The following NUP107 variants were observed in gnomAD, a reference collection of about 807,000 sequenced individuals.
NUP107 encodes nucleoporin 107.
A neutral mutation model predicts 141.0 loss-of-function variants in NUP107; 101 were observed. The observed-to-expected ratio is 0.72, with a 90% CI of 0.61 to 0.84. The LOEUF (loss-of-function observed/expected upper bound fraction) is 0.84. NUP107 is among the 40% of genes least tolerant of loss of function. The probability of loss-of-function intolerance (pLI) is 0.00; values close to 1 mark genes in which losing one functional copy is unlikely to be tolerated. For missense variants in NUP107, 941 were observed against 1,102.7 expected, an observed-to-expected ratio of 0.85 and a Z score of 2.08; for synonymous variants, 319 against 363.9, an observed-to-expected ratio of 0.88 and a Z score of 1.41.
chr12:68,724,223 C>T (rs1174128874), intron 17 of NUP107, among the ~76,000 whole-genome samples: 1 of 151,278 alleles, frequency 6.6e-6, no homozygotes, highest in Non-Finnish European at 1.5e-5. Flanking sequence ...TCCATTTAAA[C>T]GAGTGACCAA....
At chr12:68,730,235 T>TTTTTTTTTTGGG (rs71091551) in intron 20 of NUP107, among the ~76,000 whole-genome samples, 1 of 147,396 alleles carries the variant, frequency 6.8e-6, no homozygotes, top group Non-Finnish European at 1.5e-5. Context: ...TTTTTTTTTT[T>TTTTTTTTTTGGG]GAGAGAGTCT....
At chr12:68,732,997 T>A (rs1228039943) in intron 23 of NUP107, among the ~76,000 whole-genome samples, 4 of 152,218 alleles carry the variant, frequency 2.6e-5, no homozygotes, top group East Asian at 1.9e-4. Flanking sequence ...TATTCTTTTT[T>A]AAAACGTTTT....
Position 68,689,625 on chromosome 12 carries a change from AT to A in NUP107, c.187+12del. On this transcript the variant is annotated splice_region_variant and intron_variant, in intron 3 of 27. Transcript: ENST00000229179. ...TAGCTCATTTCGACAGCCTTGTAAG[AT>A]TTTTTGCTTTTAAAGCATTTAATAA... is the stretch of plus-strand genomic sequence containing the variant. The A allele has an allele frequency of 1.9e-6, 3 of 1,600,624 alleles. No individual in the cohort carries two copies. The highest frequency in any genetic ancestry group is 2.6e-6 in the Non-Finnish European group (3 of 1,171,950).
At chr12:68,728,750 T>G (rs1877684098) in intron 20 of NUP107, among the ~76,000 whole-genome samples, 1 of 148,744 alleles carries the variant, frequency 6.7e-6, no homozygotes, top group Non-Finnish European at 1.5e-5. Flanking sequence ...TAAAAATTAA[T>G]AAATAACTTT....
At chr12:68,701,816 T>C (rs1237653858) in intron 7 of NUP107, among the ~76,000 whole-genome samples, 1 of 152,074 alleles carries the variant, frequency 6.6e-6, no homozygotes, top group Non-Finnish European at 1.5e-5. Flanking sequence ...CCTCTGCCAT[T>C]TGTTTTGTTT....
intron 2 of NUP107, 139 bp from the exon 3 acceptor site, chr12:68,689,394 T>C (rs1237091912): frequency 1.7e-6 from 1 of 591,118 alleles, no homozygotes; most frequent in Non-Finnish European, 3.0e-6. Context: ...TTATTTACCC[T>C]TTGCATTGAA....
At chr12:68,707,656 C>T (rs1876656137) in intron 8 of NUP107, among the ~76,000 whole-genome samples, 1 of 151,968 alleles carries the variant, frequency 6.6e-6, no homozygotes, top group Non-Finnish European at 1.5e-5. Flanking sequence ...ATCTTTATTC[C>T]CTAAGTGATA....
At chr12:68,705,603 C>G (rs796258422) in intron 8 of NUP107, 23 of 434,798 alleles carry the variant, frequency 5.3e-5, no homozygotes, top group African/African-American at 4.4e-4. Flanking sequence ...CCGCCTAGCT[C>G]AGCCTGCCTG....
intron 19 of NUP107, 52 bp downstream of exon 19, chr12:68,726,669 C>T (rs756520590): frequency 9.2e-7 from 1 of 1,088,354 alleles, no homozygotes; most frequent in Admixed American, 2.0e-5. Flanking sequence ...TGCTATATAC[C>T]TATTGTCAAG....
At chr12:68,718,417 AC>A (rs2136028652) in intron 12 of NUP107, among the ~76,000 whole-genome samples, 1 of 152,334 alleles carries the variant, frequency 6.6e-6, no homozygotes, top group Non-Finnish European at 1.5e-5. Context: ...AAACACATTG[AC>A]TTACTGACTT....
At position 68,691,885 on chromosome 12, in the gene NUP107, AC is replaced by A. The variant is rs569427217; in HGVS notation, c.304-81del. On this transcript the variant is annotated intron_variant, in intron 4 of 27. Transcript: ENST00000229179. ...GCATACATACATATAATTTTTAGAA[AC>A]CTTATTTGTTTTTAAAGTATCCACT... The A allele has an allele frequency of 1.4e-4, 169 of 1,188,762 alleles. 1 individual carries two copies. The African/African-American group carries it at 2.2e-3, about 15-fold the overall frequency. The allele number at this position is 1,188,762 out of a possible 1,614,324, so 73.6% of individuals were successfully genotyped here. A position where few individuals can be genotyped will look rare whatever the true frequency, so the allele number is the denominator to read the frequency against.
chr12:68,730,685 C>G (rs1592519450), intron 20 of NUP107, among the ~76,000 whole-genome samples: 1 of 152,208 alleles, frequency 6.6e-6, no homozygotes, highest in Non-Finnish European at 1.5e-5. Context: ...TTATTCTGGG[C>G]TGGACACAGG....
In NUP107 at chr12:68,696,883, T is replaced by A. The variant is rs754700269; in HGVS notation, c.513T>A (p.Phe171Leu). ...TGAAGCACTCTTCGAGTACAGTTTTTGATCTTGTGGAAGAGTATGAAAACA... is the reference window on the plus strand; with the variant it reads ...TGAAGCACTCTTCGAGTACAGTTTTAGATCTTGTGGAAGAGTATGAAAACA... ...SFLKHSSSTVFDLVEEYENIC... is the reference protein window; with the variant it reads ...SFLKHSSSTVLDLVEEYENIC... Residue 171 changes from phenylalanine to leucine, a missense_variant, in exon 6 of 28, where the codon TTT (phenylalanine) becomes TTA (leucine). Phe to Leu is a conservative substitution (Grantham distance 22, BLOSUM62 0). Transcript: ENST00000229179. 1.9e-6 allele frequency: 3 copies of A among 1,611,330 alleles called. No individual in the cohort carries two copies. The highest frequency in any genetic ancestry group is 1.7e-6 in the Non-Finnish European group (2 of 1,178,510).
intron 10 of NUP107, among the ~76,000 whole-genome samples, chr12:68,711,162 C>T (rs995711105): frequency 1.8e-4 from 27 of 151,782 alleles, no homozygotes; most frequent in African/African-American, 6.5e-4. Context: ...ACCATCCTGG[C>T]TAATGCGGTG....
intron 15 of NUP107, 91 bp from the exon 16 acceptor site, chr12:68,721,750 A>G (rs990409332): frequency 7.8e-7 from 1 of 1,275,396 alleles, no homozygotes; most frequent in African/African-American, 1.5e-5. Flanking sequence ...TTATAAAGTG[A>G]TTTTATAGTC....
chr12:68,722,672 C>T (rs777330436), intron 17 of NUP107, among the ~76,000 whole-genome samples: 1 of 152,016 alleles, frequency 6.6e-6, no homozygotes, highest in Non-Finnish European at 1.5e-5. Flanking sequence ...GTAGATACTC[C>T]AATTTAGAAT....
At chr12:68,690,142 T>G (rs1381016703) in intron 3 of NUP107, among the ~76,000 whole-genome samples, 13 of 150,874 alleles carry the variant, frequency 8.6e-5, no homozygotes, top group Non-Finnish European at 1.3e-4. Context: ...ATTGTGCCAC[T>G]GTACTCCAGC....
At position 68,743,453 on chromosome 12, in the gene NUP107, C is replaced by T. The variant is rs1244869874; in HGVS notation, c.*991C>T. On this transcript the variant is annotated 3_prime_UTR_variant, in exon 28 of 28. Transcript: ENST00000229179. ...CTGAGCAGGAAGAACCTCTCTCCAG[C>T]TGAAAAGACTCTCAGGAAGTAGTAT... is the stretch of plus-strand genomic sequence containing the variant. The T allele has an allele frequency of 1.3e-5, 2 of 152,186 alleles. No homozygotes were observed. The highest frequency in any genetic ancestry group is 4.8e-5 in the African/African-American group (2 of 41,426). The allele number at this position is 152,186 out of a possible 1,614,324, so 9.4% of individuals were successfully genotyped here. A position where few individuals can be genotyped will look rare whatever the true frequency, so the allele number is the denominator to read the frequency against.
intron 5 of NUP107, among the ~76,000 whole-genome samples, chr12:68,694,598 G>A (rs1431663577): frequency 6.6e-6 from 1 of 152,100 alleles, no homozygotes; most frequent in East Asian, 1.9e-4. Context: ...TTAAAAATGA[G>A]CAAAGAAATA....
Sources: gnomAD v4.1 joint callset for allele counts (sites outside exome capture counted in the v4.1 genomes callset) on GRCh38, gnomAD v4.1.1 for gene constraint, MANE v1.5 for transcripts, NCBI Gene and HGNC (gene_info 2026-07-23, HGNC 2026-07-21) for gene names.